DAB1: variants seen among roughly 807,000 people sequenced by gnomAD.
DAB1 encodes disabled homolog 1.
Under a neutral mutation model 64.6 loss-of-function variants are expected in DAB1, and 15 were observed. That is an observed-to-expected ratio of 0.23 (90% CI 0.16 to 0.36). The LOEUF is 0.36. DAB1 is among the 10% of genes least tolerant of loss of function. The pLI is 1.00. For missense variants in DAB1, 596 were observed against 706.7 expected, an observed-to-expected ratio of 0.84 and a Z score of 1.78; for synonymous variants, 235 against 251.9, an observed-to-expected ratio of 0.93 and a Z score of 0.64.
chr1:58,512,101 C>T (rs1646085969), intron 2 of DAB1, among the ~76,000 whole-genome samples: 1 of 152,062 alleles, frequency 6.6e-6, no homozygotes, highest in African/African-American at 2.4e-5. Flanking sequence ...TCTCAATAGA[C>T]ATTTCTTCAA....
chr1:57,080,735 A>AAC (rs568921240), intron 4 of DAB1, among the ~76,000 whole-genome samples: 3,049 of 142,022 alleles, frequency 0.021, 45 homozygotes, highest in African/African-American at 0.04. Flanking sequence ...GAGAAGTTAC[A>AAC]ACACACACAC....
chr1:58,254,426 G>C (rs1351339512), intron 4 of DAB1, among the ~76,000 whole-genome samples: 2 of 145,022 alleles, frequency 1.4e-5, no homozygotes, highest in African/African-American at 2.6e-5. Context: ...AAGTTTTAGG[G>C]TACATGTGCA....
chr1:57,410,151 A>G (rs1189521207), intron 1 of DAB1, among the ~76,000 whole-genome samples: 1 of 152,226 alleles, frequency 6.6e-6, no homozygotes, highest in Admixed American at 6.5e-5. Flanking sequence ...GAAAAAGCAC[A>G]GTTTGGGAAT....
In DAB1 at chr1:57,374,937, C is replaced by A. The variant is rs2100947744; in HGVS notation, c.-137+48993G>T. The stretch of plus-strand genomic sequence containing the variant: ...CCTAAATTTTCATAAGGTGCAGCAG[C>A]CCATTTTGTAATGGCTGGTCCTGCT... On this transcript the variant is annotated intron_variant, in intron 1 of 14. Coordinates refer to ENST00000371236, the MANE Select transcript of DAB1 (RefSeq NM_001365792.1). Among the ~76,000 whole-genome samples the A allele has an allele frequency of 1.3e-5, 2 of 152,228 alleles. 1 individual carries two copies. Among genetic ancestry groups the A allele is most frequent in the Middle Eastern group, 6.8e-3 (2 of 294 alleles).
At chr1:57,166,287 A>G (rs1261918823) in intron 2 of DAB1, among the ~76,000 whole-genome samples, 1 of 152,086 alleles carries the variant, frequency 6.6e-6, no homozygotes, top group Non-Finnish European at 1.5e-5. Context: ...GCTCTCCTTG[A>G]CTCCAAATAA....
intron 2 of DAB1, among the ~76,000 whole-genome samples, chr1:57,288,952 A>C (rs1294389489): frequency 6.6e-6 from 1 of 152,196 alleles, no homozygotes; most frequent in African/African-American, 2.4e-5. Flanking sequence ...TTTATAAGAG[A>C]GGAAAATGAG....
chr1:57,037,934 CA>C (rs1647239064), intron 9 of DAB1, among the ~76,000 whole-genome samples: 1 of 152,110 alleles, frequency 6.6e-6, no homozygotes, highest in Non-Finnish European at 1.5e-5. Flanking sequence ...CTGTGCTGTC[CA>C]ATACAGCAGT....
intron 4 of DAB1, among the ~76,000 whole-genome samples, chr1:58,189,985 T>G (rs1040552356): frequency 6.6e-6 from 1 of 152,212 alleles, no homozygotes; most frequent in African/African-American, 2.4e-5. Context: ...CTTCCCCTCC[T>G]GATACTTCTT....
At chr1:57,018,926 C>T (rs1362206048) in intron 11 of DAB1, among the ~76,000 whole-genome samples, 2 of 152,282 alleles carry the variant, frequency 1.3e-5, no homozygotes, top group Admixed American at 6.5e-5. Flanking sequence ...GGCCCATCTG[C>T]CTGGAAAGCC....
chr1:58,223,942 TC>T (rs2100331160), intron 4 of DAB1, among the ~76,000 whole-genome samples: 1 of 152,320 alleles, frequency 6.6e-6, no homozygotes, highest in East Asian at 1.9e-4. Flanking sequence ...AAGAATTGCT[TC>T]CCTAGCTTTT....
chr1:57,767,388 G>T (rs1649360178), intron 6 of DAB1, among the ~76,000 whole-genome samples: 1 of 152,160 alleles, frequency 6.6e-6, no homozygotes, highest in African/African-American at 2.4e-5. Flanking sequence ...CAAGGACAAA[G>T]ACCAAATATG....
chr1:57,924,442 C>A (rs1644850634), intron 5 of DAB1, among the ~76,000 whole-genome samples: 1 of 151,906 alleles, frequency 6.6e-6, no homozygotes, highest in African/African-American at 2.4e-5. Flanking sequence ...ACTGGGGGAC[C>A]AGGGATGAGT....
intron 3 of DAB1, among the ~76,000 whole-genome samples, chr1:58,477,086 C>T (rs1324154120): frequency 6.6e-6 from 1 of 152,178 alleles, no homozygotes; most frequent in Admixed American, 6.5e-5. Context: ...GTTCCAATCC[C>T]AGTTCAGCCA....
At chr1:58,028,952 C>T (rs1311322793) in intron 5 of DAB1, among the ~76,000 whole-genome samples, 1 of 151,996 alleles carries the variant, frequency 6.6e-6, no homozygotes, top group Admixed American at 6.6e-5. Context: ...TCTGGTTATC[C>T]TAGGAAACAG....
At chr1:57,669,835 A>G (rs144720262) in intron 6 of DAB1, among the ~76,000 whole-genome samples, 5 of 152,310 alleles carry the variant, frequency 3.3e-5, no homozygotes, top group African/African-American at 9.6e-5. Flanking sequence ...GGATTTGGCT[A>G]CAGGCAAGAA....
chr1:58,050,591 G>A (rs200277019), intron 5 of DAB1, among the ~76,000 whole-genome samples: 1 of 152,024 alleles, frequency 6.6e-6, no homozygotes, highest in Non-Finnish European at 1.5e-5. Context: ...GTGCAGTGGC[G>A]CAATCTCGGC....
intron 7 of DAB1, among the ~76,000 whole-genome samples, chr1:57,568,690 C>T (rs1345758879): frequency 6.6e-6 from 1 of 152,210 alleles, no homozygotes; most frequent in Non-Finnish European, 1.5e-5. Context: ...CTCATCATCA[C>T]TGGCCATCAG....
At chr1:57,708,464 G>A (rs1053648048) in intron 6 of DAB1, among the ~76,000 whole-genome samples, 35 of 152,348 alleles carry the variant, frequency 2.3e-4, no homozygotes, top group Non-Finnish European at 2.6e-4. Context: ...GTTGCACTGA[G>A]TTGCACTCAA....
At position 57,500,055 on chromosome 1, in the gene DAB1, AAAT is replaced by A. The variant is rs1181854420; in HGVS notation, n.625+149534_625+149536del. On this transcript the variant is annotated intron_variant and non_coding_transcript_variant, in intron 7 of 20. Coordinates refer to the DAB1 transcript ENST00000485760. ...TTATCCACTCCATCTCTAATGATAA[AAAT>A]AATAATCACCATCATCCTTGATAGA... Among the ~76,000 whole-genome samples the A allele has an allele frequency of 1.1e-4, 17 of 152,368 alleles. No individual in the cohort carries two copies. The East Asian group carries it at 2.7e-3, about 24-fold the overall frequency.
Sources: allele counts gnomAD v4.1 joint callset (sites outside exome capture counted in the v4.1 genomes callset), GRCh38; gene constraint gnomAD v4.1.1; transcripts MANE v1.5; gene names NCBI Gene and HGNC (gene_info 2026-07-23, HGNC 2026-07-21).